The following ZNF804A variants were observed in gnomAD, a reference collection of about 807,000 sequenced individuals.
ZNF804A encodes zinc finger protein 804A.
ZNF804A carries 2 observed loss-of-function variants against 16.5 expected under a neutral mutation model. The observed-to-expected ratio is 0.12, with a 90% CI of 0.05 to 0.38. ZNF804A has a LOEUF of 0.38. Among genes scored for constraint, ZNF804A ranks in the 10% least tolerant of loss-of-function variants. The pLI, the probability that ZNF804A is intolerant of heterozygous loss-of-function variation, is 0.99. For missense variants in ZNF804A, 1,473 were observed against 1,390.7 expected (o/e 1.06, Z -0.94); for synonymous variants, 534 against 489.6 (o/e 1.09, Z -1.20).
intron 1 of ZNF804A, among the ~76,000 whole-genome samples, chr2:184,717,359 T>G (rs1434953451): frequency 6.6e-6 from 1 of 152,202 alleles, no homozygotes; most frequent in African/African-American, 2.4e-5. Context: ...TTGCTGTTGT[T>G]TTGTTGGTTT....
At chr2:184,725,970 A>C (rs987725171) in intron 1 of ZNF804A, among the ~76,000 whole-genome samples, 2 of 151,692 alleles carry the variant, frequency 1.3e-5, no homozygotes, top group African/African-American at 2.4e-5. Context: ...TAGAGATGAT[A>C]GCTTTCTAGC....
chr2:184,783,182 G>C (rs1694399817), intron 1 of ZNF804A, among the ~76,000 whole-genome samples: 1 of 113,902 alleles, frequency 8.8e-6, no homozygotes, highest in African/African-American at 3.2e-5. Flanking sequence ...CATTTTTAGA[G>C]TGGACAATCC....
At position 184,855,144 on chromosome 2, in the gene ZNF804A, G is replaced by A. The variant is rs1332361225; in HGVS notation, c.112-11225G>A. On this transcript the variant is annotated intron_variant, in intron 1 of 3. Transcript: ENST00000302277. ...GAAAGACACTGACTACAACCAATAA[G>A]ACAGCCCCTATAGAAATTAAGGATG... is the stretch of plus-strand genomic sequence containing the variant. Among the ~76,000 whole-genome samples the A allele has an allele frequency of 2.0e-5, 3 of 151,954 alleles. No individual in the cohort carries two copies. The East Asian group carries it at 5.8e-4, about 29-fold the overall frequency.
intron 1 of ZNF804A, among the ~76,000 whole-genome samples, chr2:184,619,326 T>C (rs1435759976): frequency 6.6e-6 from 1 of 152,034 alleles, no homozygotes; most frequent in Non-Finnish European, 1.5e-5. Context: ...AGACATATTT[T>C]TGTGTGTTTT....
At chr2:184,858,544 G>C (rs190777364) in intron 1 of ZNF804A, among the ~76,000 whole-genome samples, 1 of 150,990 alleles carries the variant, frequency 6.6e-6, no homozygotes, top group Non-Finnish European at 1.5e-5. Context: ...AAATTTGAGA[G>C]CATTAAGAAA....
At chr2:184,646,756 A>C (rs1014935495) in intron 1 of ZNF804A, among the ~76,000 whole-genome samples, 1 of 152,256 alleles carries the variant, frequency 6.6e-6, no homozygotes, top group Non-Finnish European at 1.5e-5. Context: ...ACTTGAGGCC[A>C]TGGAGATTTC....
chr2:184,616,921 G>A (rs359875), intron 1 of ZNF804A, among the ~76,000 whole-genome samples: 148,693 of 152,128 alleles, frequency 0.98, 72,732 homozygotes, highest in Non-Finnish European at 0.99. Context: ...TTTGGCTTCA[G>A]TGGACATGTT....
At chr2:184,746,203 T>C (rs1693787219) in intron 1 of ZNF804A, among the ~76,000 whole-genome samples, 1 of 151,554 alleles carries the variant, frequency 6.6e-6, no homozygotes, top group African/African-American at 2.4e-5. Context: ...TCAACTCTAC[T>C]CTTCTAGCTA....
chr2:184,819,841 A>G (rs1695043946), intron 1 of ZNF804A, among the ~76,000 whole-genome samples: 1 of 152,038 alleles, frequency 6.6e-6, no homozygotes, highest in South Asian at 2.1e-4. Context: ...ATTCCTGGGA[A>G]CATATACCCT....
intron 1 of ZNF804A, among the ~76,000 whole-genome samples, chr2:184,819,103 T>C (rs977479349): frequency 6.6e-6 from 1 of 151,990 alleles, no homozygotes; most frequent in Admixed American, 6.6e-5. Context: ...CCAAAAGTGA[T>C]AGAATACACA....
chr2:184,638,554 T>C (rs558537582), intron 1 of ZNF804A, among the ~76,000 whole-genome samples: 1 of 152,316 alleles, frequency 6.6e-6, no homozygotes, highest in East Asian at 1.9e-4. Context: ...AGTTCAAAAG[T>C]ATTTTCATCA....
chr2:184,799,356 A>T lies in ZNF804A; in HGVS notation c.112-67013A>T, dbSNP rs1437682076. Among the ~76,000 whole-genome samples the T allele has an allele frequency of 2.0e-5, 3 of 152,002 alleles. No homozygotes were observed. In the East Asian group the frequency reaches 5.8e-4, roughly 29 times the overall value. On this transcript the variant is annotated intron_variant, in intron 1 of 3. Coordinates refer to ENST00000302277, the MANE Select transcript of ZNF804A (RefSeq NM_194250.2). ...TTGCATACTCATATAAACCCCACTT[A>T]GTGATGGTGTATTATGTTATTTTAT... is the stretch of plus-strand genomic sequence containing the variant.
At chr2:184,648,999 G>A (rs181255446) in intron 1 of ZNF804A, among the ~76,000 whole-genome samples, 252 of 151,866 alleles carry the variant, frequency 1.7e-3, no homozygotes, top group African/African-American at 5.7e-3. Context: ...ATCTGCACAC[G>A]GAACACGCTC....
At chr2:184,644,920 A>G (rs1691848923) in intron 1 of ZNF804A, among the ~76,000 whole-genome samples, 1 of 152,102 alleles carries the variant, frequency 6.6e-6, no homozygotes. Flanking sequence ...AAAATCTGTC[A>G]CAATTACCTG....
chr2:184,747,623 C>A lies in ZNF804A; in HGVS notation c.112-118746C>A, dbSNP rs374497347. Reference sequence around the variant, plus strand: ...ATTTATTTTAAGCACAAAATATTTTCATATCAGGTAATGTTTGCCACTGGG... The same window carrying A: ...ATTTATTTTAAGCACAAAATATTTTAATATCAGGTAATGTTTGCCACTGGG... On this transcript the variant is annotated intron_variant, in intron 1 of 3. Transcript: ENST00000302277. 4.0e-5 allele frequency among the ~76,000 whole-genome samples: 6 copies of A among 151,106 alleles called. No homozygotes were observed. In the East Asian group the frequency reaches 9.7e-4, roughly 24 times the overall value.
intron 1 of ZNF804A, among the ~76,000 whole-genome samples, chr2:184,654,500 A>G (rs1692043490): frequency 6.6e-6 from 1 of 151,966 alleles, no homozygotes; most frequent in African/African-American, 2.4e-5. Flanking sequence ...TTAGAATTCT[A>G]TTGTCATACA....
At chr2:184,637,591 G>C (rs947843834) in intron 1 of ZNF804A, among the ~76,000 whole-genome samples, 2 of 152,148 alleles carry the variant, frequency 1.3e-5, no homozygotes, top group Admixed American at 1.3e-4. Flanking sequence ...AACAGGAAAA[G>C]AGACAGTGCA....
At chr2:184,817,200 G>A (rs192384523) in intron 1 of ZNF804A, among the ~76,000 whole-genome samples, 90 of 151,936 alleles carry the variant, frequency 5.9e-4, no homozygotes, top group African/African-American at 2.1e-3. Flanking sequence ...AAAGGAGCAG[G>A]CTGTCATCTT....
At chr2:184,601,582 C>A (rs1444392676) in intron 1 of ZNF804A, among the ~76,000 whole-genome samples, 1 of 151,664 alleles carries the variant, frequency 6.6e-6, no homozygotes, top group African/African-American at 2.4e-5. Context: ...TTGTGTTTAT[C>A]GTGTACAATG....
Sources: gnomAD v4.1 joint callset for allele counts (sites outside exome capture counted in the v4.1 genomes callset) on GRCh38, gnomAD v4.1.1 for gene constraint, MANE v1.5 for transcripts, NCBI Gene and HGNC (gene_info 2026-07-23, HGNC 2026-07-21) for gene names.